The following SLC4A4 variants were observed in gnomAD, a reference collection of about 807,000 sequenced individuals.
SLC4A4 encodes electrogenic sodium bicarbonate cotransporter 1.
In SLC4A4, 27 loss-of-function variants were observed where a neutral mutation model predicts 111.5. The ratio of observed to expected loss-of-function variants is 0.24; its 90% confidence interval spans 0.18 to 0.33. The LOEUF is 0.33. Among genes scored for constraint, SLC4A4 ranks in the 10% least tolerant of loss-of-function variants. SLC4A4 has a pLI of 1.00. For synonymous variants in SLC4A4, 443 were observed against 463.4 expected (o/e 0.96, Z 0.57); for missense variants, 909 against 1,315.5 (o/e 0.69, Z 4.78).
chr4:71,349,216 A>G (rs1481905225), intron 4 of SLC4A4, among the ~76,000 whole-genome samples: 1 of 152,194 alleles, frequency 6.6e-6, no homozygotes, highest in Admixed American at 6.5e-5. Flanking sequence ...GGTTAATAGG[A>G]TATCTCATAT....
intron 7 of SLC4A4, among the ~76,000 whole-genome samples, chr4:71,403,136 T>C (rs958313702): frequency 6.6e-6 from 1 of 152,206 alleles, no homozygotes; most frequent in Non-Finnish European, 1.5e-5. Context: ...AGCTTTAAAC[T>C]GAAGTAGATG....
At chr4:71,519,286 A>G (rs555615052) in intron 16 of SLC4A4, among the ~76,000 whole-genome samples, 1 of 152,310 alleles carries the variant, frequency 6.6e-6, no homozygotes, top group African/African-American at 2.4e-5. Flanking sequence ...GTAACACCCA[A>G]GTTGAGGATA....
At chr4:71,454,164 G>T (rs1406902276) in intron 12 of SLC4A4, among the ~76,000 whole-genome samples, 1 of 151,712 alleles carries the variant, frequency 6.6e-6, no homozygotes, top group East Asian at 2.0e-4. Flanking sequence ...TAAGCTAACA[G>T]TTATATCTCC....
At chr4:71,500,206 TTGGC>T (rs1188768108) in intron 16 of SLC4A4, among the ~76,000 whole-genome samples, 2 of 152,214 alleles carry the variant, frequency 1.3e-5, no homozygotes, top group Non-Finnish European at 2.9e-5. Flanking sequence ...CATTTATCTT[TTGGC>T]CATTTATGTT....
intron 16 of SLC4A4, among the ~76,000 whole-genome samples, chr4:71,509,476 A>G (rs766889341): frequency 4.0e-5 from 6 of 151,698 alleles, no homozygotes; most frequent in Non-Finnish European, 7.4e-5. Context: ...CATTCTGGGT[A>G]GACTCAGTAG....
At chr4:71,206,905 C>T (rs1281848799) in intron 1 of SLC4A4, among the ~76,000 whole-genome samples, 1 of 152,026 alleles carries the variant, frequency 6.6e-6, no homozygotes, top group Non-Finnish European at 1.5e-5. Context: ...GCAAGCGAAT[C>T]ATGCAGTGGT....
At chr4:71,320,712 C>G (rs1156346499) in intron 3 of SLC4A4, among the ~76,000 whole-genome samples, 1 of 151,952 alleles carries the variant, frequency 6.6e-6, no homozygotes, top group African/African-American at 2.4e-5. Flanking sequence ...TAAGCTGGTA[C>G]TTGATGGATC....
chr4:71,313,090 C>A (rs957468852), intron 3 of SLC4A4, among the ~76,000 whole-genome samples: 4 of 152,168 alleles, frequency 2.6e-5, no homozygotes, highest in Non-Finnish European at 5.9e-5. Flanking sequence ...TCTCAGGATA[C>A]AAAATCAATG....
intron 3 of SLC4A4, among the ~76,000 whole-genome samples, chr4:71,261,230 T>C (rs1400395828): frequency 6.6e-6 from 1 of 152,204 alleles, no homozygotes; most frequent in African/African-American, 2.4e-5. Context: ...AGAGGTGCTG[T>C]CTCTTGTGCT....
At chr4:71,364,881 C>T (rs1731107171) in intron 6 of SLC4A4, among the ~76,000 whole-genome samples, 1 of 152,152 alleles carries the variant, frequency 6.6e-6, no homozygotes, top group South Asian at 2.1e-4. Context: ...TTCTGTTTCT[C>T]TCCATTTTTT....
At chr4:71,164,748 T>C (rs1465914276) in intron 2 of SLC4A4, among the ~76,000 whole-genome samples, 2 of 152,002 alleles carry the variant, frequency 1.3e-5, no homozygotes, top group African/African-American at 4.8e-5. Context: ...AAAGAAACTA[T>C]CATCAGAGCG....
At chr4:71,457,419 T>C (rs996114611) in intron 12 of SLC4A4, among the ~76,000 whole-genome samples, 1 of 152,152 alleles carries the variant, frequency 6.6e-6, no homozygotes, top group Non-Finnish European at 1.5e-5. Context: ...CACAAATTTC[T>C]TGTTAAATGT....
intron 2 of SLC4A4, among the ~76,000 whole-genome samples, chr4:71,126,552 C>T (rs1743567287): frequency 6.6e-6 from 1 of 152,056 alleles, no homozygotes; most frequent in South Asian, 2.1e-4. Context: ...TATAGACATA[C>T]TTATTGATTG....
At chr4:71,195,807 T>C (rs1426176423) in intron 1 of SLC4A4, among the ~76,000 whole-genome samples, 2 of 152,252 alleles carry the variant, frequency 1.3e-5, no homozygotes, top group Non-Finnish European at 2.9e-5. Context: ...ACAATTAAAC[T>C]ATCTAAACTG....
chr4:71,079,906 G>A (rs76009864), intron 1 of SLC4A4, among the ~76,000 whole-genome samples: 1,827 of 151,414 alleles, frequency 0.012, 36 homozygotes, highest in East Asian at 0.047. Context: ...GCTGAAAGCA[G>A]TACGAAGGTA....
chr4:71,285,690 A>G (rs1311960924), intron 3 of SLC4A4, among the ~76,000 whole-genome samples: 1 of 152,180 alleles, frequency 6.6e-6, no homozygotes, highest in Non-Finnish European at 1.5e-5. Context: ...ATATTACTCT[A>G]TGAGATGTCA....
intron 18 of SLC4A4, among the ~76,000 whole-genome samples, chr4:71,543,005 G>GAACT (rs1329394560): frequency 1.3e-5 from 2 of 152,074 alleles, no homozygotes; most frequent in African/African-American, 4.8e-5. Context: ...TGTCCTCATG[G>GAACT]AACTGTGAGA....
chr4:71,153,481 C>T lies in SLC4A4; in HGVS notation c.-2+60689C>T, dbSNP rs1429546353. Among the ~76,000 whole-genome samples the T allele has an allele frequency of 2.0e-5, 3 of 152,166 alleles. No homozygotes were observed. In the East Asian group the frequency reaches 5.8e-4, roughly 29 times the overall value. ...ACAGACCTGGTTTTGAAACCCAGCT[C>T]TCCTCCTGTTAGATGTCTCTGGCCA... is the stretch of plus-strand genomic sequence containing the variant. On this transcript the variant is annotated intron_variant, in intron 2 of 26. Transcript: ENST00000649996.
intron 1 of SLC4A4, among the ~76,000 whole-genome samples, chr4:71,199,473 T>C (rs1746152123): frequency 6.6e-6 from 1 of 152,160 alleles, no homozygotes; most frequent in African/African-American, 2.4e-5. Context: ...ATATTTTATT[T>C]TGGGTGAGTT....
Sources: gnomAD v4.1 joint callset for allele counts (sites outside exome capture counted in the v4.1 genomes callset) on GRCh38, gnomAD v4.1.1 for gene constraint, MANE v1.5 for transcripts, NCBI Gene and HGNC (gene_info 2026-07-23, HGNC 2026-07-21) for gene names.